The following MOB3B variants were observed in gnomAD, a reference collection of about 807,000 sequenced individuals.
The protein encoded by MOB3B is MOB kinase activator 3B.
MOB3B carries 7 observed loss-of-function variants against 18.7 expected under a neutral mutation model. That is an observed-to-expected ratio of 0.37 (90% CI 0.21 to 0.70). The LOEUF (loss-of-function observed/expected upper bound fraction) is 0.70. Among genes scored for constraint, MOB3B ranks in the 30% least tolerant of loss-of-function variants. The pLI, the probability that MOB3B is intolerant of heterozygous loss-of-function variation, is 0.52. For synonymous variants in MOB3B, 111 were observed against 99.9 expected, an observed-to-expected ratio of 1.11 and a Z score of -0.66; for missense variants, 253 against 281.3, an observed-to-expected ratio of 0.90 and a Z score of 0.72.
intron 3 of MOB3B, among the ~76,000 whole-genome samples, chr9:27,350,870 C>A (rs1406063198): frequency 6.6e-6 from 1 of 151,920 alleles, no homozygotes; most frequent in African/African-American, 2.4e-5. Flanking sequence ...AACATGTACA[C>A]CCCCTCTGCC....
chr9:27,494,701 G>C (rs183092595), intron 1 of MOB3B, among the ~76,000 whole-genome samples: 46 of 152,156 alleles, frequency 3.0e-4, no homozygotes, highest in Admixed American at 1.4e-3. Flanking sequence ...TTTTAATAGA[G>C]ACGGGGTTTC....
intron 2 of MOB3B, among the ~76,000 whole-genome samples, chr9:27,431,761 A>G (rs937352811): frequency 6.6e-6 from 1 of 152,226 alleles, no homozygotes; most frequent in South Asian, 2.1e-4. Context: ...GTCCCAGAGA[A>G]GAAGAGAAAG....
intron 2 of MOB3B, among the ~76,000 whole-genome samples, chr9:27,402,174 A>G (rs1326996516): frequency 1.3e-5 from 2 of 152,258 alleles, no homozygotes; most frequent in African/African-American, 4.8e-5. Flanking sequence ...TGTGTCTGGC[A>G]TATGAGGAAT....
At chr9:27,526,364 A>C (rs537793912) in intron 1 of MOB3B, 1 of 152,362 alleles carries the variant, frequency 6.6e-6, no homozygotes, top group Admixed American at 6.5e-5. Context: ...AACTATCAGC[A>C]GAGTTGTTCC....
intron 1 of MOB3B, among the ~76,000 whole-genome samples, chr9:27,473,055 A>C (rs1587240815): frequency 6.6e-6 from 1 of 152,222 alleles, no homozygotes; most frequent in East Asian, 1.9e-4. Context: ...GTGATTACAC[A>C]ATGAACTGGT....
rs56064443 is a variant in MOB3B, at chr9:27,357,121, A to AATATATATATATAT, written c.621+1899_621+1912dup. Among the ~76,000 whole-genome samples the AATATATATATATAT allele has an allele frequency of 5.2e-4, 33 of 62,914 alleles. 5 individuals are homozygous for AATATATATATATAT. Among genetic ancestry groups the AATATATATATATAT allele is most frequent in the African/African-American group, 1.4e-3 (29 of 20,564 alleles). The allele number at this position is 62,914 out of a possible 152,430, so 41.3% of individuals were successfully genotyped here. On this transcript the variant is annotated intron_variant, in intron 3 of 3. Coordinates refer to ENST00000262244, the MANE Select transcript of MOB3B (RefSeq NM_024761.5). ...TGTTCCAGGACTACTGAGTAATGCAAATATATATATATATATATATATATG... is the reference window on the plus strand; with the variant it reads ...TGTTCCAGGACTACTGAGTAATGCAAATATATATATATATATATATATATATATATATATATATG...
At chr9:27,508,226 G>A (rs1379987505) in intron 1 of MOB3B, among the ~76,000 whole-genome samples, 1 of 152,288 alleles carries the variant, frequency 6.6e-6, no homozygotes, top group East Asian at 1.9e-4. Flanking sequence ...AAAACATACT[G>A]TCTTTTGACT....
At chr9:27,367,728 G>A (rs577517538) in intron 2 of MOB3B, among the ~76,000 whole-genome samples, 381 of 152,334 alleles carry the variant, frequency 2.5e-3, no homozygotes, top group Non-Finnish European at 3.8e-3. Flanking sequence ...GGGGTGGCAG[G>A]AGGGCAAATG....
At chr9:27,428,780 AG>A (rs1822375414) in intron 2 of MOB3B, among the ~76,000 whole-genome samples, 1 of 152,204 alleles carries the variant, frequency 6.6e-6, no homozygotes, top group Non-Finnish European at 1.5e-5. Context: ...TGCATGCTCA[AG>A]GGGACCATGT....
At chr9:27,488,557 G>A (rs867407105) in intron 1 of MOB3B, among the ~76,000 whole-genome samples, 22 of 152,084 alleles carry the variant, frequency 1.4e-4, no homozygotes, top group Admixed American at 6.5e-4. Context: ...ACAGGCAAGC[G>A]CCACCACACT....
intron 1 of MOB3B, among the ~76,000 whole-genome samples, chr9:27,510,394 C>G (rs1398746634): frequency 6.6e-6 from 1 of 152,170 alleles, no homozygotes; most frequent in Middle Eastern, 3.2e-3. Context: ...TATTGGATTT[C>G]TTTTCTAACA....
chr9:27,529,089 C>A (rs1393672658), intron 1 of MOB3B, among the ~76,000 whole-genome samples: 1 of 152,202 alleles, frequency 6.6e-6, no homozygotes, highest in Non-Finnish European at 1.5e-5. Flanking sequence ...AGCCGAGACT[C>A]CTCCCTCAGG....
At chr9:27,359,399 A>C (rs1821242222) in intron 2 of MOB3B, among the ~76,000 whole-genome samples, 163 bp from the exon 3 acceptor site, 1 of 149,490 alleles carries the variant, frequency 6.7e-6, no homozygotes. Flanking sequence ...GGTTGGTAGC[A>C]AACTAGAAAG....
At chr9:27,335,987 A>G (rs527667711) in intron 3 of MOB3B, among the ~76,000 whole-genome samples, 2 of 152,358 alleles carry the variant, frequency 1.3e-5, no homozygotes, top group Admixed American at 1.3e-4. Flanking sequence ...CTGAAATCCA[A>G]TGAAAAGGAA....
chr9:27,500,057 G>A (rs1407139835), intron 1 of MOB3B, among the ~76,000 whole-genome samples: 1 of 152,060 alleles, frequency 6.6e-6, no homozygotes, highest in Non-Finnish European at 1.5e-5. Flanking sequence ...TGCTGTGGAA[G>A]GTTTGACTAG....
intron 2 of MOB3B, among the ~76,000 whole-genome samples, chr9:27,408,462 T>C (rs1426146731): frequency 6.6e-6 from 1 of 152,212 alleles, no homozygotes; most frequent in African/African-American, 2.4e-5. Context: ...GGGAAATCCA[T>C]AACTTTGACT....
intron 1 of MOB3B, among the ~76,000 whole-genome samples, chr9:27,483,375 G>T (rs940398367): frequency 6.6e-6 from 1 of 151,910 alleles, no homozygotes; most frequent in African/African-American, 2.4e-5. Flanking sequence ...TTTGTGATCC[G>T]CCCGCCTCGG....
chr9:27,327,808 A>G lies in MOB3B; in HGVS notation c.*2779T>C, dbSNP rs533214316. On this transcript the variant is annotated 3_prime_UTR_variant, in exon 4 of 4. Transcript: ENST00000262244. ...AGTGTTCAGTTTCATGGGCGTGAAA[A>G]TATTGCAGATTTATAGGACAATGCT... is the stretch of plus-strand genomic sequence containing the variant. 1.3e-5 allele frequency: 2 copies of G among 152,340 alleles called. No individual in the cohort carries two copies. The highest frequency in any genetic ancestry group is 3.9e-4 in the East Asian group (2 of 5,194). 9.4% of individuals were successfully genotyped at this position (152,340 alleles called of 1,614,324 possible).
intron 1 of MOB3B, among the ~76,000 whole-genome samples, chr9:27,511,371 T>C (rs965644285): frequency 4.6e-5 from 7 of 152,258 alleles, no homozygotes; most frequent in African/African-American, 1.7e-4. Context: ...AGCCATAAAA[T>C]GGGGATAAAA....
Sources: gnomAD v4.1 joint callset for allele counts (sites outside exome capture counted in the v4.1 genomes callset) on GRCh38, gnomAD v4.1.1 for gene constraint, MANE v1.5 for transcripts, NCBI Gene and HGNC (gene_info 2026-07-23, HGNC 2026-07-21) for gene names.